ITGAE: variants seen among roughly 807,000 people sequenced by gnomAD.
ITGAE encodes integrin alpha-E.
A neutral mutation model predicts 136.5 loss-of-function variants in ITGAE; 99 were observed. That is an observed-to-expected ratio of 0.73 (90% CI 0.62 to 0.86). The LOEUF (loss-of-function observed/expected upper bound fraction) is 0.86, where lower values mean the gene tolerates loss of function less well. Among genes scored for constraint, ITGAE ranks in the 40% least tolerant of loss-of-function variants. The pLI is 0.00. For synonymous variants in ITGAE, 613 were observed against 591.8 expected (o/e 1.04, Z -0.52); for missense variants, 1,447 against 1,515.3 (o/e 0.95, Z 0.75).
intron 1 of ITGAE, among the ~76,000 whole-genome samples, chr17:3,797,707 C>T (rs1389872313): frequency 3.3e-5 from 5 of 152,110 alleles, no homozygotes; most frequent in Admixed American, 6.5e-5. Flanking sequence ...GTGCTCTGCC[C>T]GCCTTGGCCT....
At chr17:3,786,085 T>A (rs1464241019) in intron 1 of ITGAE, among the ~76,000 whole-genome samples, 6 of 147,180 alleles carry the variant, frequency 4.1e-5, no homozygotes, top group African/African-American at 2.5e-5. Flanking sequence ...GAGAATGGCG[T>A]GAACCCGGGA....
intron 1 of ITGAE, among the ~76,000 whole-genome samples, chr17:3,792,160 T>C (rs2052953788): frequency 6.6e-6 from 1 of 152,180 alleles, no homozygotes; most frequent in Non-Finnish European, 1.5e-5. Flanking sequence ...CTGGCCCTGT[T>C]GCCCAGGCTG....
chr17:3,743,756 G>A (rs1161595188), intron 18 of ITGAE, 139 bp from the exon 19 acceptor site: 252 of 862,070 alleles, frequency 2.9e-4, no homozygotes, highest in Non-Finnish European at 3.9e-4. Flanking sequence ...AGGCTGGAGT[G>A]CAGTGGCGTG....
chr17:3,797,157 A>ATATAT (rs1301623728), intron 1 of ITGAE, among the ~76,000 whole-genome samples: 16 of 94,434 alleles, frequency 1.7e-4, no homozygotes. Context: ...ATATATATAT[A>ATATAT]TTTTTTTTTT....
At chr17:3,724,385 C>T in intron 26 of ITGAE, 2 of 1,609,642 alleles carry the variant, frequency 1.2e-6, no homozygotes, top group Non-Finnish European at 1.7e-6. Flanking sequence ...GCCCGGACCT[C>T]AGCGTGTGCG....
chr17:3,743,738 T>C (rs2051645021), intron 18 of ITGAE, 121 bp from the exon 19 acceptor site: 6 of 1,043,620 alleles, frequency 5.7e-6, no homozygotes, highest in Non-Finnish European at 8.0e-6. Context: ...AGTCTTGCTC[T>C]GTTGCCCAGG....
chr17:3,739,776 G>C, intron 20 of ITGAE, 29 bp downstream of exon 20: 2 of 1,597,776 alleles, frequency 1.3e-6, no homozygotes, highest in South Asian at 2.2e-5. Context: ...AAGGTTAATC[G>C]AGGAAACTGA....
chr17:3,728,920 C>G (rs1435644454), intron 24 of ITGAE, among the ~76,000 whole-genome samples: 4 of 151,748 alleles, frequency 2.6e-5, no homozygotes, highest in Non-Finnish European at 4.4e-5. Context: ...CCTGTAGTCT[C>G]AACTACTCGG....
chr17:3,731,223 A>AT, intron 22 of ITGAE, 40 bp from the exon 23 acceptor site: 1 of 1,507,974 alleles, frequency 6.6e-7, no homozygotes. Flanking sequence ...GATTCTCTCT[A>AT]TGCCACTCAC....
Position 3,759,516 on chromosome 17 carries a change from T to C in ITGAE, c.752A>G (p.Gln251Arg). ...GCTGTCCCGAAGGTCAAACTCAGTCTGGATCACTCCTCCATACTGCACCAA... is the reference window on the plus strand; with the variant it reads ...GCTGTCCCGAAGGTCAAACTCAGTCCGGATCACTCCTCCATACTGCACCAA... ...FALVQYGGVI[Q>R]TEFDLRDSQD... The change falls in exon 8 of 31, where the codon CAG becomes CGG. Residue 251 changes from glutamine (Q) to arginine (R), a missense_variant. Gln to Arg is a conservative substitution (Grantham distance 43). This residue lies in a region of ITGAE where 310 missense variants were observed against 416.1 expected (regional missense o/e 0.74). Coordinates refer to ENST00000263087, the MANE Select transcript of ITGAE (RefSeq NM_002208.5). The C allele has an allele frequency of 6.2e-7, 1 of 1,614,234 alleles. No individual in the cohort carries two copies. Among genetic ancestry groups the C allele is most frequent in the Non-Finnish European group, 8.5e-7 (1 of 1,180,030 alleles).
intron 2 of ITGAE, among the ~76,000 whole-genome samples, chr17:3,775,503 A>T (rs536791013): frequency 6.6e-6 from 1 of 152,280 alleles, no homozygotes; most frequent in East Asian, 1.9e-4. Flanking sequence ...TCCGTCACCC[A>T]GGCTGGAGTG....
At position 3,757,811 on chromosome 17, in the gene ITGAE, C is replaced by T. The variant is rs1372707573; in HGVS notation, c.915G>A (p.Lys305=). The T allele has an allele frequency of 1.2e-6, 2 of 1,614,116 alleles. No homozygotes were observed. Among genetic ancestry groups the T allele is most frequent in the Admixed American group, 3.3e-5 (2 of 60,002 alleles). Residue 305 remains lysine, a synonymous_variant, in exon 9 of 31, where the codon AAG becomes AAA. Transcript: ENST00000263087. ...SSHGSRRKAS[K]VMVVLTDGGI... is the part of the protein sequence containing the mutation. ...CACCATCGGTGAGCACCACCATGAC[C>T]TTGGATGCCTTTCTCCTGGAGCCGT...
chr17:3,755,117 C>CCCGCCCTCACT lies in ITGAE; in HGVS notation c.1383_1384insAGTGAGGGCGG (p.Gly462SerfsTer109). ...CCTCATCAGGTGGCCCCGCCCTCAC[C>CCCGCCCTCACT]CAGGTAGCTGTACTGCGCAGCCTCC... On this transcript the variant is annotated frameshift_variant and splice_region_variant, in exon 12 of 31. Coordinates refer to ENST00000263087, the MANE Select transcript of ITGAE (RefSeq NM_002208.5). LOFTEE classifies it high-confidence loss of function. 1 of 1,586,120 alleles carries CCCGCCCTCACT rather than the reference C, an allele frequency of 6.3e-7. No homozygotes were observed. Among genetic ancestry groups the CCCGCCCTCACT allele is most frequent in the Non-Finnish European group, 8.6e-7 (1 of 1,169,226 alleles).
At chr17:3,787,382 G>T (rs997346846) in intron 1 of ITGAE, among the ~76,000 whole-genome samples, 1 of 152,108 alleles carries the variant, frequency 6.6e-6, no homozygotes, top group Non-Finnish European at 1.5e-5. Flanking sequence ...AAAGTGCTGG[G>T]ATTACAGGCA....
chr17:3,776,800 C>A (rs2143300505), intron 2 of ITGAE, among the ~76,000 whole-genome samples: 1 of 152,144 alleles, frequency 6.6e-6, no homozygotes, highest in South Asian at 2.1e-4. Context: ...CTCAAGAAAT[C>A]CTCCAGCTTC....
At chr17:3,722,221 C>T (rs1451919109) in intron 28 of ITGAE, among the ~76,000 whole-genome samples, 1 of 151,866 alleles carries the variant, frequency 6.6e-6, no homozygotes, top group African/African-American at 2.4e-5. Flanking sequence ...GTGGCTCACG[C>T]CTGTAATCCC....
intron 29 of ITGAE, among the ~76,000 whole-genome samples, chr17:3,719,049 TGG>T (rs2050994708): frequency 6.6e-6 from 1 of 151,446 alleles, no homozygotes; most frequent in Non-Finnish European, 1.5e-5. Context: ...CTGGCCAACA[TGG>T]TGAAATCCTG....
intron 2 of ITGAE, among the ~76,000 whole-genome samples, chr17:3,764,188 C>T (rs1187503170): frequency 6.6e-6 from 1 of 152,180 alleles, no homozygotes; most frequent in Non-Finnish European, 1.5e-5. Flanking sequence ...GCCTGCTGCC[C>T]ACCCTGACAA....
chr17:3,754,942 T>C (rs2051969562), intron 12 of ITGAE, among the ~76,000 whole-genome samples, 175 bp downstream of exon 12: 1 of 17,960 alleles, frequency 5.6e-5, no homozygotes, highest in Admixed American at 8.5e-4. Context: ...GGCCCCACCC[T>C]CGCCCAGGTA....
Sources: allele counts gnomAD v4.1 joint callset (sites outside exome capture counted in the v4.1 genomes callset), GRCh38; gene constraint gnomAD v4.1.1; regional missense constraint gnomAD v4.1.1; transcripts MANE v1.5; gene names NCBI Gene and HGNC (gene_info 2026-07-23, HGNC 2026-07-21).